DCUN1D1: variants seen among roughly 807,000 people sequenced by gnomAD.
DCUN1D1 encodes the protein DCN1-like protein 1.
A neutral mutation model predicts 39.0 loss-of-function variants in DCUN1D1; 3 were observed. The ratio of observed to expected loss-of-function variants is 0.08; its 90% CI spans 0.04 to 0.20. DCUN1D1 has a LOEUF of 0.20. Among genes scored for constraint, DCUN1D1 ranks in the 10% least tolerant of loss-of-function variants. The pLI is 1.00. For synonymous variants in DCUN1D1, 82 were observed against 96.3 expected, an observed-to-expected ratio of 0.85 and a Z score of 0.87; for missense variants, 158 against 302.4, an observed-to-expected ratio of 0.52 and a Z score of 3.54.
intron 1 of DCUN1D1, among the ~76,000 whole-genome samples, chr3:182,974,086 T>C (rs1445855620): frequency 6.6e-6 from 1 of 151,528 alleles, no homozygotes; most frequent in Non-Finnish European, 1.5e-5. Context: ...ACCCTGTCTC[T>C]ACTAAAAATA....
chr3:182,980,748 A>C (rs925137724), upstream of DCUN1D1: 1 of 174,554 alleles, frequency 5.7e-6, no homozygotes, highest in Non-Finnish European at 1.1e-5. Flanking sequence ...GCGGCGGGGG[A>C]GGGGCGGGCG....
intron 6 of DCUN1D1, among the ~76,000 whole-genome samples, chr3:182,946,641 T>C (rs1200228463): frequency 2.1e-5 from 3 of 144,562 alleles, no homozygotes; most frequent in Admixed American, 2.1e-4. Flanking sequence ...GAAAAAGAGA[T>C]ACAAATAAGT....
At chr3:182,984,177 G>T (rs1376125153), upstream of DCUN1D1, among the ~76,000 whole-genome samples, 2 of 152,172 alleles carry the variant, frequency 1.3e-5, no homozygotes, top group African/African-American at 4.8e-5. Context: ...AGGAATGCTT[G>T]TTCTCCTTGG....
In DCUN1D1 at chr3:182,947,576, A is replaced by G; in HGVS notation, c.577T>C (p.Leu193=). 6.3e-7 allele frequency: 1 copy of G among 1,586,710 alleles called. No homozygotes were observed. Among genetic ancestry groups the G allele is most frequent in the Non-Finnish European group, 8.6e-7 (1 of 1,162,076 alleles). The part of the protein sequence containing the change: ...NLVLNGRFKF[L]DLWNKFLLEH... ...AACAAAAATTTATTCCATAAGTCTAAGAATTTAAATCTTCCATTAAGCACT... is the reference window on the plus strand; with the variant it reads ...AACAAAAATTTATTCCATAAGTCTAGGAATTTAAATCTTCCATTAAGCACT... Residue 193 remains leucine (L), a synonymous_variant, in exon 5 of 7, where the codon TTA becomes CTA. Transcript: ENST00000292782.
At chr3:182,946,201 AAAG>A (rs1726389568) in intron 6 of DCUN1D1, among the ~76,000 whole-genome samples, 1 of 152,220 alleles carries the variant, frequency 6.6e-6, no homozygotes, top group African/African-American at 2.4e-5. Context: ...AAATAGCAGA[AAAG>A]TATTCAGTGA....
chr3:182,976,452 C>T (rs1402588723), intron 1 of DCUN1D1, among the ~76,000 whole-genome samples: 21 of 54,910 alleles, frequency 3.8e-4, no homozygotes, highest in East Asian at 2.8e-3. Context: ...CATACACACA[C>T]ACACACACAC....
chr3:182,972,996 C>G (rs1728025705), intron 1 of DCUN1D1, among the ~76,000 whole-genome samples: 1 of 151,902 alleles, frequency 6.6e-6, no homozygotes, highest in Non-Finnish European at 1.5e-5. Flanking sequence ...GAGCGGAGAT[C>G]ACACCATTGC....
intron 4 of DCUN1D1, among the ~76,000 whole-genome samples, chr3:182,949,386 C>T (rs1254463306): frequency 6.6e-6 from 1 of 150,574 alleles, no homozygotes; most frequent in African/African-American, 2.4e-5. Context: ...AAAGAGCAAA[C>T]TTGATGCTAA....
upstream of DCUN1D1, chr3:182,981,020 A>G: frequency 6.6e-6 from 1 of 151,204 alleles, no homozygotes; most frequent in Non-Finnish European, 1.5e-5. Flanking sequence ...TAGTGGAAAC[A>G]CCTCCCCCTG....
At chr3:182,974,926 T>C (rs1728144506) in intron 1 of DCUN1D1, among the ~76,000 whole-genome samples, 2 of 152,166 alleles carry the variant, frequency 1.3e-5, no homozygotes, top group Non-Finnish European at 2.9e-5. Flanking sequence ...GGCGCACACC[T>C]AAAGTGGCTA....
chr3:182,955,089 G>A (rs1726964780), intron 4 of DCUN1D1, among the ~76,000 whole-genome samples: 1 of 151,062 alleles, frequency 6.6e-6, no homozygotes, highest in Non-Finnish European at 1.5e-5. Flanking sequence ...TGTCCAAAAT[G>A]GAGTGCAATG....
At chr3:182,969,771 C>T (rs970998230) in intron 1 of DCUN1D1, among the ~76,000 whole-genome samples, 1 of 152,094 alleles carries the variant, frequency 6.6e-6, no homozygotes, top group Non-Finnish European at 1.5e-5. Context: ...AATGCTATCT[C>T]TTGTAACAGA....
intron 1 of DCUN1D1, 193 bp downstream of exon 1, chr3:182,980,294 G>T: frequency 2.9e-6 from 1 of 343,180 alleles, no homozygotes; most frequent in Non-Finnish European, 4.1e-6. Context: ...CGTAGCGGCT[G>T]CGCCCGGGCG....
upstream of DCUN1D1, chr3:182,980,699 G>T: frequency 2.2e-6 from 1 of 458,696 alleles, no homozygotes; most frequent in Non-Finnish European, 2.9e-6. Context: ...CTTCCCCCGG[G>T]CGCGGGGGTC....
chr3:182,965,692 C>T lies in DCUN1D1; in HGVS notation c.65G>A (p.Ser22Asn). ...AAGACAACTTACTGCTGTTTTTTCA[C>T]TAGATTGTGTGAAGATCATAAACTG... ...VRQFMIFTQS[S>N]EKTAVSCLSQ... The change falls in exon 2 of 7, where the codon AGT (serine) becomes AAT (asparagine). Residue 22 changes from serine to asparagine, a missense_variant. Ser to Asn is a conservative substitution (Grantham distance 46). Transcript: ENST00000292782. 1 of 1,613,796 alleles carries T rather than the reference C, an allele frequency of 6.2e-7. No homozygotes were observed. Among genetic ancestry groups the T allele is most frequent in the East Asian group, 2.2e-5 (1 of 44,788 alleles).
chr3:182,960,615 T>C (rs1727332634), intron 4 of DCUN1D1, among the ~76,000 whole-genome samples: 1 of 152,222 alleles, frequency 6.6e-6, no homozygotes, highest in Non-Finnish European at 1.5e-5. Context: ...TATTTTGTAA[T>C]TACCTACTAG....
intron 1 of DCUN1D1, among the ~76,000 whole-genome samples, chr3:182,972,855 C>T (rs1228084235): frequency 6.6e-6 from 1 of 152,164 alleles, no homozygotes; most frequent in Non-Finnish European, 1.5e-5. Flanking sequence ...CCAGCCTGAT[C>T]AACATGGAGA....
chr3:182,983,651 G>A (rs993842904), upstream of DCUN1D1, among the ~76,000 whole-genome samples: 2 of 152,006 alleles, frequency 1.3e-5, no homozygotes, highest in African/African-American at 2.4e-5. Flanking sequence ...AGGTTGCAGT[G>A]AGCTGAGATC....
chr3:182,951,441 T>C (rs1361435232), intron 4 of DCUN1D1, among the ~76,000 whole-genome samples: 2 of 151,624 alleles, frequency 1.3e-5, no homozygotes, highest in Admixed American at 6.6e-5. Context: ...ATAGTGAGAC[T>C]TGGTCTCTAC....
Sources: gnomAD v4.1 joint callset for allele counts (sites outside exome capture counted in the v4.1 genomes callset) on GRCh38, gnomAD v4.1.1 for gene constraint, MANE v1.5 for transcripts, NCBI Gene and HGNC (gene_info 2026-07-23, HGNC 2026-07-21) for gene names.